Variants in STPG2 observed in about 807,000 individuals in gnomAD.
STPG2 encodes the protein sperm-tail PG-rich repeat-containing protein 2.
Under a neutral mutation model 54.2 loss-of-function variants are expected in STPG2, and 56 were observed. The ratio of observed to expected loss-of-function variants is 1.03; its 90% CI spans 0.83 to 1.29. The LOEUF is 1.29. STPG2 is among the 50% of genes most tolerant of loss of function. The pLI is 0.00. For missense variants in STPG2, 596 were observed against 544.9 expected (o/e 1.09, Z -0.93); for synonymous variants, 200 against 181.8 (o/e 1.10, Z -0.81).
intron 9 of STPG2, among the ~76,000 whole-genome samples, chr4:97,727,415 A>G (rs1724659066): frequency 1.3e-5 from 2 of 151,908 alleles, no homozygotes; most frequent in Admixed American, 1.3e-4. Flanking sequence ...TGTTTACTAT[A>G]TGAATAGGAT....
chr4:97,809,321 T>C (rs1355403517), intron 9 of STPG2, among the ~76,000 whole-genome samples: 1 of 152,102 alleles, frequency 6.6e-6, no homozygotes, highest in African/African-American at 2.4e-5. Context: ...AGTAAACTAG[T>C]TGTGACAGGC....
chr4:97,750,518 G>C (rs1725551410), intron 9 of STPG2, among the ~76,000 whole-genome samples: 3 of 151,764 alleles, frequency 2.0e-5, no homozygotes. Context: ...AGTTGGAGAG[G>C]TAAGAAGAAA....
chr4:98,102,936 T>C (rs1202820163), intron 5 of STPG2, among the ~76,000 whole-genome samples: 2 of 149,966 alleles, frequency 1.3e-5, no homozygotes, highest in Admixed American at 1.3e-4. Context: ...ATATATTATA[T>C]ATTCAATGTT....
intron 3 of STPG2, among the ~76,000 whole-genome samples, chr4:98,117,881 T>A (rs1739567405): frequency 6.6e-6 from 1 of 152,136 alleles, no homozygotes; most frequent in Admixed American, 6.6e-5. Flanking sequence ...TTTGAACATA[T>A]TTAAAATAGC....
chr4:97,555,939 T>C (rs1337988934), downstream of STPG2, among the ~76,000 whole-genome samples: 1 of 152,122 alleles, frequency 6.6e-6, no homozygotes, highest in African/African-American at 2.4e-5. Context: ...AAGGTATTTA[T>C]CATTCCACAA....
intron 9 of STPG2, among the ~76,000 whole-genome samples, chr4:97,806,583 A>G (rs970580590): frequency 5.9e-5 from 9 of 152,004 alleles, no homozygotes; most frequent in African/African-American, 1.7e-4. Flanking sequence ...CATCACAATC[A>G]TGCCATCCTC....
intron 8 of STPG2, among the ~76,000 whole-genome samples, chr4:97,880,296 C>T (rs1730323995): frequency 6.6e-6 from 1 of 152,178 alleles, no homozygotes; most frequent in Admixed American, 6.5e-5. Context: ...TGAAGCTTCT[C>T]ATTTTGCATG....
chr4:97,516,812 G>T (rs143098055), intron 4 of STPG2, among the ~76,000 whole-genome samples: 2,618 of 151,042 alleles, frequency 0.017, 67 homozygotes, highest in African/African-American at 0.059. Context: ...ACTCCAGCCT[G>T]GGAGACAGAG....
intron 10 of STPG2, among the ~76,000 whole-genome samples, chr4:97,676,931 G>A (rs887357318): frequency 6.6e-6 from 1 of 152,052 alleles, no homozygotes; most frequent in Admixed American, 6.6e-5. Context: ...CCATATCTTA[G>A]TACTTTTATC....
In STPG2 at chr4:97,536,464, T is replaced by C. The variant is rs564043806; in HGVS notation, c.462+176235A>G. On this transcript the variant is annotated intron_variant, in intron 4 of 4. Transcript: ENST00000522676. The stretch of plus-strand genomic sequence containing the variant: ...GCCTTGTGAAGAAGGTACTTGCTTC[T>C]CCTTCATCTTCTACCATGATTGTAA... Among the ~76,000 whole-genome samples the C allele has an allele frequency of 3.3e-5, 5 of 152,298 alleles. No homozygotes were observed. In the South Asian group the frequency reaches 8.3e-4, roughly 25 times the overall value.
At position 98,011,647 on chromosome 4, in the gene STPG2, A is replaced by T. The variant is rs1735754897; in HGVS notation, c.613-30329T>A. Among the ~76,000 whole-genome samples, 3 of 152,014 alleles carry T rather than the reference A, an allele frequency of 2.0e-5. No homozygotes were observed. In the South Asian group the frequency reaches 6.2e-4, roughly 31 times the overall value. The stretch of plus-strand genomic sequence containing the variant: ...GTTGTTTCTTGACTTTTTAATAATC[A>T]CCATTCTGACTGGCATAAGATGGTA... On this transcript the variant is annotated intron_variant, in intron 5 of 10. Transcript: ENST00000295268.
intron 8 of STPG2, among the ~76,000 whole-genome samples, chr4:97,898,180 A>G (rs1409944027): frequency 6.6e-6 from 1 of 152,042 alleles, no homozygotes; most frequent in Admixed American, 6.6e-5. Context: ...CCATTGCTTG[A>G]TTTTGTCAGC....
intron 4 of STPG2, among the ~76,000 whole-genome samples, chr4:97,450,933 TA>T (rs1729350108): frequency 6.6e-6 from 1 of 152,186 alleles, no homozygotes; most frequent in African/African-American, 2.4e-5. Context: ...GAATTATTAA[TA>T]TTTATTTACA....
At chr4:97,927,766 C>T (rs572455413) in intron 8 of STPG2, among the ~76,000 whole-genome samples, 31 of 152,080 alleles carry the variant, frequency 2.0e-4, no homozygotes, top group East Asian at 3.9e-4. Context: ...TTAAACTCTG[C>T]GCCTCCATTT....
intron 8 of STPG2, among the ~76,000 whole-genome samples, chr4:97,867,698 G>C (rs772290889): frequency 1.1e-4 from 17 of 152,012 alleles, no homozygotes; most frequent in Non-Finnish European, 2.2e-4. Flanking sequence ...TGATGCAGCA[G>C]TCCCATAGTA....
At chr4:97,800,771 C>G (rs1181890170) in intron 9 of STPG2, among the ~76,000 whole-genome samples, 1 of 152,150 alleles carries the variant, frequency 6.6e-6, no homozygotes, top group African/African-American at 2.4e-5. Context: ...CTATGCCCTA[C>G]CCCCAGAGTT....
Position 97,473,960 on chromosome 4 carries a change from T to C in STPG2, c.462+238739A>G, listed in dbSNP as rs146504418. Among the ~76,000 whole-genome samples the C allele has an allele frequency of 4.2e-3, 638 of 151,940 alleles. 3 individuals carry two copies. Among genetic ancestry groups the C allele is most frequent in the South Asian group, 0.02 (96 of 4,822 alleles). ...GGTTAGGGAGGAAGGAGGTGGAGAA[T>C]AGAGGGTTTTTTTTTGATCACTGAA... On this transcript the variant is annotated intron_variant, in intron 4 of 4. Coordinates refer to the STPG2 transcript ENST00000522676.
chr4:97,744,658 G>A (rs1445823131), intron 9 of STPG2, among the ~76,000 whole-genome samples: 8 of 151,026 alleles, frequency 5.3e-5, no homozygotes, highest in Admixed American at 3.3e-4. Context: ...ACATAGCTGC[G>A]ATAATGTTTA....
chr4:97,513,505 G>A (rs1308868414), intron 4 of STPG2, among the ~76,000 whole-genome samples: 1 of 151,968 alleles, frequency 6.6e-6, no homozygotes, highest in Admixed American at 6.6e-5. Flanking sequence ...AAGCTATCTA[G>A]GGTCCCCAGC....
Sources: allele counts gnomAD v4.1 joint callset (sites outside exome capture counted in the v4.1 genomes callset), GRCh38; gene constraint gnomAD v4.1.1; transcripts MANE v1.5; gene names NCBI Gene and HGNC (gene_info 2026-07-23, HGNC 2026-07-21).